Variants in AKAP7 observed in about 807,000 individuals in gnomAD.
AKAP7 encodes A kinase (PRKA) anchor protein 7.
AKAP7 carries 39 observed loss-of-function variants against 39.5 expected under a neutral mutation model. The ratio of observed to expected loss-of-function variants is 0.99; its 90% CI spans 0.76 to 1.29. The LOEUF is 1.29. Ranked by LOEUF, AKAP7 falls within the 50% of genes most tolerant of loss-of-function variation. The pLI, the probability that AKAP7 is intolerant of heterozygous loss-of-function variation, is 0.00. For synonymous variants in AKAP7, 140 were observed against 139.1 expected (o/e 1.01, Z -0.05); for missense variants, 414 against 407.7 (o/e 1.02, Z -0.13).
chr6:131,250,633 C>G (rs1309175584), intron 7 of AKAP7: 1 of 1,612,940 alleles, frequency 6.2e-7, no homozygotes, highest in African/African-American at 1.3e-5. Context: ...GGGATTTGTA[C>G]TGTGCAGAAT....
intron 7 of AKAP7, among the ~76,000 whole-genome samples, chr6:131,256,162 A>G (rs7761587): frequency 0.48 from 72,462 of 152,012 alleles, 17,465 homozygotes; most frequent in Admixed American, 0.53. Flanking sequence ...AGCCAGAGGT[A>G]TTGTGTGTAA....
chr6:131,152,854 C>T (rs1435255141), intron 2 of AKAP7, among the ~76,000 whole-genome samples: 4 of 141,356 alleles, frequency 2.8e-5, no homozygotes, highest in African/African-American at 1.1e-4. Context: ...AAAGTCCGGG[C>T]GCGCTGGCTC....
intron 5 of AKAP7, among the ~76,000 whole-genome samples, chr6:131,195,513 T>C (rs1377331749): frequency 2.0e-5 from 3 of 152,202 alleles, no homozygotes; most frequent in African/African-American, 7.2e-5. Flanking sequence ...TCTTTGTGCC[T>C]ATTATTTCTA....
chr6:131,157,255 T>C (rs1389325144), intron 2 of AKAP7, among the ~76,000 whole-genome samples: 1 of 152,192 alleles, frequency 6.6e-6, no homozygotes, highest in Non-Finnish European at 1.5e-5. Flanking sequence ...AAGTAGCTAT[T>C]ATTATTATTC....
chr6:131,253,102 AGTG>A, intron 7 of AKAP7: 1 of 1,612,984 alleles, frequency 6.2e-7, no homozygotes, highest in East Asian at 2.2e-5. Flanking sequence ...CAGTTGGTCA[AGTG>A]GTAAGAGTCA....
chr6:131,153,143 A>G (rs932403834), intron 2 of AKAP7, among the ~76,000 whole-genome samples: 2 of 151,428 alleles, frequency 1.3e-5, no homozygotes, highest in Non-Finnish European at 2.9e-5. Context: ...AAAAAAAAAA[A>G]AGAGAGAGAG....
intron 7 of AKAP7, among the ~76,000 whole-genome samples, chr6:131,256,930 CA>C (rs1406669537): frequency 2.0e-5 from 3 of 149,190 alleles, no homozygotes; most frequent in Non-Finnish European, 4.4e-5. Flanking sequence ...AAAAGATAAG[CA>C]GTGATGATGA....
At chr6:131,216,515 T>A (rs1809193973) in intron 6 of AKAP7, among the ~76,000 whole-genome samples, 1 of 152,222 alleles carries the variant, frequency 6.6e-6, no homozygotes. Context: ...ATGAAATTCC[T>A]GTTTCCCGGT....
At chr6:131,133,193 G>A (rs1800366059), upstream of AKAP7, among the ~76,000 whole-genome samples, 1 of 152,222 alleles carries the variant, frequency 6.6e-6, no homozygotes, top group East Asian at 1.9e-4. Flanking sequence ...AGGAGACTAA[G>A]GAATTGCGTA....
chr6:131,212,436 T>C (rs992406284), intron 6 of AKAP7, among the ~76,000 whole-genome samples: 5 of 152,372 alleles, frequency 3.3e-5, no homozygotes, highest in Admixed American at 2.0e-4. Flanking sequence ...ATTGTTTTTT[T>C]CCCATCAGAC....
At chr6:131,164,580 T>C (rs1803295890) in intron 3 of AKAP7, 2 of 350,386 alleles carry the variant, frequency 5.7e-6, no homozygotes, top group South Asian at 2.2e-5. Context: ...ATTGCTGTCG[T>C]AAAAAATCTT....
intron 7 of AKAP7, among the ~76,000 whole-genome samples, chr6:131,234,253 A>G (rs1453781515): frequency 6.6e-6 from 1 of 152,316 alleles, no homozygotes; most frequent in Non-Finnish European, 1.5e-5. Context: ...AAGCATTATG[A>G]TGTGTATTTA....
chr6:131,205,033 T>C (rs1195895453), intron 6 of AKAP7, among the ~76,000 whole-genome samples: 1 of 151,722 alleles, frequency 6.6e-6, no homozygotes, highest in Non-Finnish European at 1.5e-5. Flanking sequence ...AGGGTAGACA[T>C]GATGATTGTT....
In AKAP7 at chr6:131,219,637, ATTGAT is replaced by A; in HGVS notation, c.703-20_703-16del. The A allele has an allele frequency of 6.3e-7, 1 of 1,577,590 alleles. No individual in the cohort carries two copies. The highest frequency in any genetic ancestry group is 8.6e-7 in the Non-Finnish European group (1 of 1,161,546). On this transcript the variant is annotated intron_variant, in intron 6 of 7. Transcript: ENST00000431975. ...GCTGCATGGGTGAAATGATTGATTG[ATTGAT>A]TTGTTTTTTCATTTCAAGGGAGTGA... is the stretch of plus-strand genomic sequence containing the variant.
At chr6:131,134,550 C>T (rs139343744), upstream of AKAP7, among the ~76,000 whole-genome samples, 1 of 152,272 alleles carries the variant, frequency 6.6e-6, no homozygotes, top group East Asian at 1.9e-4. Context: ...AAGTAAAAGA[C>T]CTGTCTTACC....
intron 1 of AKAP7, among the ~76,000 whole-genome samples, chr6:131,138,580 A>G (rs1374082662): frequency 2.0e-5 from 3 of 152,184 alleles, no homozygotes; most frequent in African/African-American, 7.2e-5. Context: ...TGCTTTCTGA[A>G]AGGATTGCCT....
At position 131,283,453 on chromosome 6, in the gene AKAP7, A is replaced by C. The variant is rs1413752341; in HGVS notation, c.*1727A>C. The C allele has an allele frequency of 6.6e-6, 1 of 152,356 alleles. No individual in the cohort carries two copies. The highest frequency in any genetic ancestry group is 1.5e-5 in the Non-Finnish European group (1 of 68,030). 9.4% of individuals were successfully genotyped at this position (152,356 alleles called of 1,614,324 possible). Reference sequence around the variant, plus strand: ...ACTCATGGATTTTAGCTATTTTTTCACTGGGTAAATTATACTACATTTATT... The same window carrying C: ...ACTCATGGATTTTAGCTATTTTTTCCCTGGGTAAATTATACTACATTTATT... On this transcript the variant is annotated 3_prime_UTR_variant, in exon 8 of 8. Transcript: ENST00000431975.
chr6:131,240,398 G>A (rs1811440445), intron 7 of AKAP7, among the ~76,000 whole-genome samples: 1 of 152,226 alleles, frequency 6.6e-6, no homozygotes. Flanking sequence ...CAGATCTCCA[G>A]CTGTGTGCTG....
At chr6:131,242,164 A>G (rs1811676035) in intron 7 of AKAP7, 24 of 985,054 alleles carry the variant, frequency 2.4e-5, no homozygotes, top group Non-Finnish European at 2.9e-5. Context: ...TTGATCTTCT[A>G]TTACTAGAGT....
Sources: gnomAD v4.1 joint callset for allele counts (sites outside exome capture counted in the v4.1 genomes callset) on GRCh38, gnomAD v4.1.1 for gene constraint, MANE v1.5 for transcripts, NCBI Gene and HGNC (gene_info 2026-07-23, HGNC 2026-07-21) for gene names.